ZSCAN25: variants seen among roughly 807,000 people sequenced by gnomAD.
The protein encoded by ZSCAN25 is zinc finger and SCAN domain-containing protein 25.
Under a neutral mutation model 38.7 loss-of-function variants are expected in ZSCAN25, and 27 were observed. That is an observed-to-expected ratio of 0.70 (90% confidence interval 0.51 to 0.96). ZSCAN25 has a LOEUF of 0.96. Among genes scored for constraint, ZSCAN25 ranks in the 40% least tolerant of loss-of-function variants. The pLI, the probability that ZSCAN25 is intolerant of heterozygous loss-of-function variation, is 0.00. For synonymous variants in ZSCAN25, 273 were observed against 277.7 expected (o/e 0.98, Z 0.17); for missense variants, 637 against 705.9 (o/e 0.90, Z 1.11).
downstream of ZSCAN25, among the ~76,000 whole-genome samples, chr7:99,634,380 G>A (rs1808181600): frequency 1.3e-5 from 2 of 152,252 alleles, no homozygotes; most frequent in South Asian, 4.1e-4. Context: ...TCAGCCAGGT[G>A]CGGTGGCTCA....
chr7:99,619,618 G>A lies in ZSCAN25; in HGVS notation c.12G>A (p.Glu4=). 6.2e-7 allele frequency: 1 copy of A among 1,613,052 alleles called. No homozygotes were observed. Among genetic ancestry groups the A allele is most frequent in the Non-Finnish European group, 8.5e-7 (1 of 1,179,304 alleles). Residue 4 remains glutamate, a synonymous_variant, in exon 4 of 8, where the codon GAG becomes GAA. Coordinates refer to ENST00000394152, the MANE Select transcript of ZSCAN25 (RefSeq NM_145115.3). The part of the protein sequence containing the change: MLK[E]HPEMAEAPQQ... ...GAGGGAGTCTGAAGATGCTTAAAGA[G>A]CATCCAGAGATGGCGGAAGCTCCTC...
chr7:99,728,766 G>T, the ZSCAN25 span, among the ~76,000 whole-genome samples: 1 of 152,124 alleles, frequency 6.6e-6, no homozygotes, highest in East Asian at 1.9e-4. Flanking sequence ...GTAGGGTTAG[G>T]ACTTTCTGCT....
the ZSCAN25 span, among the ~76,000 whole-genome samples, chr7:99,711,289 T>C: frequency 6.6e-6 from 1 of 152,204 alleles, no homozygotes; most frequent in African/African-American, 2.4e-5. Flanking sequence ...ATGTAATTCA[T>C]TTTAGCTACA....
the ZSCAN25 span, among the ~76,000 whole-genome samples, chr7:99,683,938 G>A: frequency 6.6e-6 from 1 of 152,154 alleles, no homozygotes; most frequent in Admixed American, 6.5e-5. Context: ...CAAGGAATGA[G>A]TGTGTTTAGC....
the ZSCAN25 span, chr7:99,638,290 C>A: frequency 9.3e-6 from 15 of 1,606,226 alleles, no homozygotes; most frequent in Admixed American, 3.4e-5. Context: ...CAGAGTCCGT[C>A]CCCTGAGGTG....
the ZSCAN25 span, chr7:99,660,242 T>C: frequency 1.0e-6 from 1 of 972,792 alleles, no homozygotes; most frequent in African/African-American, 1.8e-5. Flanking sequence ...TTTTTTTTTT[T>C]TTTACTTAGC....
In ZSCAN25 at chr7:99,629,935, C is replaced by T; in HGVS notation, c.1550C>T (p.Pro517Leu). ...IHTGEKPYHC[P>L]ACGRSFNQRS... Reference sequence around the variant, plus strand: ...ACAGGGGAGAAGCCCTACCACTGTCCTGCCTGCGGGCGAAGCTTCAACCAG... The same window carrying T: ...ACAGGGGAGAAGCCCTACCACTGTCTTGCCTGCGGGCGAAGCTTCAACCAG... The change falls in exon 8 of 8, where the codon CCT becomes CTT. Residue 517 changes from proline to leucine, a missense_variant. Physicochemically the swap from Pro to Leu is moderately conservative, Grantham distance 98 (BLOSUM62 -3). Transcript: ENST00000394152. The surrounding 1 kb of genome is among the most constrained non-coding windows in gnomAD (Gnocchi z 5.6). 6.2e-7 allele frequency: 1 copy of T among 1,614,006 alleles called. No individual in the cohort carries two copies. Among genetic ancestry groups the T allele is most frequent in the Admixed American group, 1.7e-5 (1 of 60,004 alleles).
intron 6 of ZSCAN25, 144 bp from the exon 7 acceptor site, chr7:99,623,913 C>G: frequency 8.6e-7 from 1 of 1,166,696 alleles, no homozygotes; most frequent in Admixed American, 2.0e-5. Context: ...CAGAGGCTCA[C>G]AACTGCAGTG....
chr7:99,691,432 TTAAATAA>T, the ZSCAN25 span, among the ~76,000 whole-genome samples: 1 of 152,126 alleles, frequency 6.6e-6, no homozygotes, highest in African/African-American at 2.4e-5. Context: ...ACCCTAAAAC[TTAAATAA>T]TAATAAAATA....
the ZSCAN25 span, among the ~76,000 whole-genome samples, chr7:99,669,936 A>G: frequency 3.9e-5 from 6 of 152,216 alleles, no homozygotes; most frequent in African/African-American, 7.2e-5. Context: ...ACATTTGATG[A>G]AGTATTATTG....
the ZSCAN25 span, among the ~76,000 whole-genome samples, chr7:99,688,140 C>A: frequency 6.6e-6 from 1 of 152,196 alleles, no homozygotes; most frequent in Admixed American, 6.5e-5. Flanking sequence ...CAGCTAACAT[C>A]ATAATGACAG....
the ZSCAN25 span, among the ~76,000 whole-genome samples, chr7:99,735,588 C>T: frequency 2.6e-5 from 4 of 152,170 alleles, no homozygotes; most frequent in Non-Finnish European, 5.9e-5. Flanking sequence ...CTAGAAGACT[C>T]CTACACATCC....
chr7:99,721,248 C>A, the ZSCAN25 span, among the ~76,000 whole-genome samples: 1 of 152,210 alleles, frequency 6.6e-6, no homozygotes, highest in South Asian at 2.1e-4. Flanking sequence ...ATTAAAAAGT[C>A]TTGGCTTAAA....
At chr7:99,643,484 C>A in the ZSCAN25 span, among the ~76,000 whole-genome samples, 2 of 151,880 alleles carry the variant, frequency 1.3e-5, no homozygotes, top group African/African-American at 2.4e-5. Context: ...ATATTCTTCA[C>A]CATTACAGCA....
the ZSCAN25 span, among the ~76,000 whole-genome samples, chr7:99,688,323 G>A: frequency 6.6e-6 from 1 of 152,162 alleles, no homozygotes; most frequent in African/African-American, 2.4e-5. Flanking sequence ...AGGGATGGAG[G>A]AAGATCTACC....
chr7:99,719,919 C>G, the ZSCAN25 span, among the ~76,000 whole-genome samples: 7 of 152,254 alleles, frequency 4.6e-5, no homozygotes, highest in African/African-American at 1.7e-4. Context: ...ATCACTTGAA[C>G]CCTGGAGGTG....
At position 99,631,865 on chromosome 7, in the gene ZSCAN25, A is replaced by T; in HGVS notation, c.*1845A>T. ...CACGGGGCTGCTGCTGCTCCTCTGTAATACTGAGGTCCACATGCAAAATCA... is the reference window on the plus strand; with the variant it reads ...CACGGGGCTGCTGCTGCTCCTCTGTTATACTGAGGTCCACATGCAAAATCA... On this transcript the variant is annotated 3_prime_UTR_variant, in exon 8 of 8. Transcript: ENST00000394152. The T allele has an allele frequency of 2.0e-6, 2 of 985,464 alleles. No homozygotes were observed. Among genetic ancestry groups the T allele is most frequent in the Non-Finnish European group, 2.4e-6 (2 of 829,976 alleles). The allele number at this position is 985,464 out of a possible 1,614,324, so 61.0% of individuals were successfully genotyped here.
chr7:99,666,665 C>T, the ZSCAN25 span: 9 of 1,614,066 alleles, frequency 5.6e-6, no homozygotes, highest in Non-Finnish European at 7.6e-6. Flanking sequence ...AATACATCTC[C>T]ATACTGGGCA....
the ZSCAN25 span, chr7:99,676,240 G>T: frequency 2.5e-6 from 4 of 1,611,816 alleles, no homozygotes; most frequent in Non-Finnish European, 3.4e-6. Flanking sequence ...AGGTCACAGG[G>T]ATTGTGACTT....
Sources: gnomAD v4.1 joint callset for allele counts (sites outside exome capture counted in the v4.1 genomes callset) on GRCh38, gnomAD v4.1.1 for gene constraint, Gnocchi (gnomAD v3.1) non-coding constraint, MANE v1.5 for transcripts, NCBI Gene and HGNC (gene_info 2026-07-23, HGNC 2026-07-21) for gene names.